APBA1: variants seen among roughly 807,000 people sequenced by gnomAD.
APBA1 encodes amyloid-beta A4 precursor protein-binding family A member 1.
APBA1 carries 55 observed loss-of-function variants against 86.6 expected under a neutral mutation model. That is an observed-to-expected ratio of 0.64 (90% CI 0.51 to 0.80). The LOEUF (loss-of-function observed/expected upper bound fraction) is 0.80, where lower values mean the gene tolerates loss of function less well. Among genes scored for constraint, APBA1 ranks in the 30% least tolerant of loss-of-function variants. The pLI, the probability that APBA1 is intolerant of heterozygous loss-of-function variation, is 0.00. For missense variants in APBA1, 1,090 were observed against 1,183.0 expected, an observed-to-expected ratio of 0.92 and a Z score of 1.15; for synonymous variants, 511 against 493.9, an observed-to-expected ratio of 1.03 and a Z score of -0.46.
chr9:69,504,865 G>C (rs941739445), intron 2 of APBA1, among the ~76,000 whole-genome samples: 9 of 151,932 alleles, frequency 5.9e-5, no homozygotes, highest in Non-Finnish European at 1.2e-4. Flanking sequence ...AGGAGGAGTC[G>C]CCTAGCTTCA....
intron 1 of APBA1, among the ~76,000 whole-genome samples, chr9:69,636,983 G>C (rs1248402523): frequency 7.2e-6 from 1 of 138,926 alleles, no homozygotes; most frequent in East Asian, 2.2e-4. Flanking sequence ...AAGAAAGAAA[G>C]AAAAATGTGA....
Position 69,669,912 on chromosome 9 carries a change from T to C in APBA1, c.-70+2241A>G, listed in dbSNP as rs568680676. ...GGTAATTCCTCATATTATTAAACTTTCTTGTGAGACATTTACATCCCTGGT... is the reference window on the plus strand; with the variant it reads ...GGTAATTCCTCATATTATTAAACTTCCTTGTGAGACATTTACATCCCTGGT... On this transcript the variant is annotated intron_variant, in intron 1 of 12. Coordinates refer to ENST00000265381, the MANE Select transcript of APBA1 (RefSeq NM_001163.4). Among the ~76,000 whole-genome samples the C allele has an allele frequency of 9.8e-4, 149 of 152,362 alleles. 1 individual carries two copies. Among genetic ancestry groups the C allele is most frequent in the African/African-American group, 3.3e-3 (137 of 41,586 alleles).
At chr9:69,477,251 T>C (rs989797991) in intron 2 of APBA1, among the ~76,000 whole-genome samples, 9 of 151,424 alleles carry the variant, frequency 5.9e-5, no homozygotes, top group Non-Finnish European at 1.2e-4. Flanking sequence ...TGGGCGCAGG[T>C]CAGTGGGTGC....
chr9:69,607,557 C>G (rs1277723251), intron 1 of APBA1, among the ~76,000 whole-genome samples: 1 of 152,206 alleles, frequency 6.6e-6, no homozygotes, highest in African/African-American at 2.4e-5. Context: ...CAAGCTTCCT[C>G]TAACTTTCAA....
rs1834519257 is a variant in APBA1, at chr9:69,428,092, AG to A, written c.*3234del. 6.6e-6 allele frequency: 1 copy of A among 152,196 alleles called. No individual in the cohort carries two copies. Among genetic ancestry groups the A allele is most frequent in the African/African-American group, 2.4e-5 (1 of 41,432 alleles). The allele number at this position is 152,196 out of a possible 1,614,324, so 9.4% of individuals were successfully genotyped here. On this transcript the variant is annotated 3_prime_UTR_variant, in exon 13 of 13. Coordinates refer to ENST00000265381, the MANE Select transcript of APBA1 (RefSeq NM_001163.4). ...TGAATGCGAGTAAACACATCTAAGG[AG>A]GGGCGGCCCCTGGTTGTAAACATTG...
At chr9:69,662,962 G>T (rs1039963060) in intron 1 of APBA1, among the ~76,000 whole-genome samples, 1 of 152,138 alleles carries the variant, frequency 6.6e-6, no homozygotes, top group African/African-American at 2.4e-5. Flanking sequence ...TGTGATTACT[G>T]CATCATTTGT....
chr9:69,443,290 G>A (rs1834855474), intron 10 of APBA1, among the ~76,000 whole-genome samples: 1 of 152,230 alleles, frequency 6.6e-6, no homozygotes, highest in African/African-American at 2.4e-5. Context: ...GCGAACAACT[G>A]TTGTGGACTA....
At chr9:69,451,665 G>C (rs929630941) in intron 9 of APBA1, among the ~76,000 whole-genome samples, 1 of 152,108 alleles carries the variant, frequency 6.6e-6, no homozygotes, top group African/African-American at 2.4e-5. Context: ...AGGCATTCCT[G>C]AATAGCTCAG....
intron 1 of APBA1, among the ~76,000 whole-genome samples, chr9:69,594,492 A>G (rs972225878): frequency 9.8e-5 from 15 of 152,310 alleles, no homozygotes; most frequent in African/African-American, 3.6e-4. Flanking sequence ...AGAAAGGTAA[A>G]CTAAGGAATG....
intron 1 of APBA1, among the ~76,000 whole-genome samples, chr9:69,556,700 C>T (rs1016061572): frequency 6.6e-6 from 1 of 152,100 alleles, no homozygotes; most frequent in South Asian, 2.1e-4. Context: ...TTTGTGTCAA[C>T]CAAAAGCACC....
At chr9:69,649,204 C>T (rs540243764) in intron 1 of APBA1, among the ~76,000 whole-genome samples, 5 of 152,280 alleles carry the variant, frequency 3.3e-5, no homozygotes, top group African/African-American at 4.8e-5. Flanking sequence ...GTAAAATGCA[C>T]GTAAGAGTGT....
At chr9:69,642,704 T>C (rs1588408729) in intron 1 of APBA1, among the ~76,000 whole-genome samples, 1 of 152,072 alleles carries the variant, frequency 6.6e-6, no homozygotes, top group Admixed American at 6.5e-5. Context: ...AAGGTTTTTT[T>C]TTGAGGAGAT....
chr9:69,560,073 C>A (rs1210511628), intron 1 of APBA1, among the ~76,000 whole-genome samples: 1 of 152,156 alleles, frequency 6.6e-6, no homozygotes, highest in Non-Finnish European at 1.5e-5. Flanking sequence ...AGTTTTAGCT[C>A]CCTGCTTGCC....
At chr9:69,627,255 A>G (rs1041104528) in intron 1 of APBA1, among the ~76,000 whole-genome samples, 2 of 152,086 alleles carry the variant, frequency 1.3e-5, no homozygotes, top group Non-Finnish European at 2.9e-5. Context: ...TGTTGTTGTC[A>G]TCTTATTTGA....
intron 1 of APBA1, among the ~76,000 whole-genome samples, chr9:69,564,649 C>T (rs1042721227): frequency 2.0e-5 from 3 of 152,172 alleles, no homozygotes; most frequent in Non-Finnish European, 4.4e-5. Context: ...ATTAGGATGG[C>T]TATTATCTAA....
rs780257759 is a variant in APBA1, at chr9:69,449,810, A to G, written c.1969-14T>C. On this transcript the variant is annotated splice_polypyrimidine_tract_variant and intron_variant, in intron 9 of 12. Transcript: ENST00000265381. ...CTCTATGAAAACCTGGAAGGAGAAAAACATTTAGAAAACCTCCATCAGTGA... is the reference window on the plus strand; with the variant it reads ...CTCTATGAAAACCTGGAAGGAGAAAGACATTTAGAAAACCTCCATCAGTGA... The G allele has an allele frequency of 2.9e-5, 46 of 1,603,322 alleles. No individual in the cohort carries two copies. In the South Asian group the frequency reaches 5.1e-4, roughly 18 times the overall value.
At chr9:69,604,292 G>C (rs1822416990) in intron 1 of APBA1, among the ~76,000 whole-genome samples, 1 of 148,784 alleles carries the variant, frequency 6.7e-6, no homozygotes, top group Non-Finnish European at 1.5e-5. Flanking sequence ...GCACACACAT[G>C]AGGGTAAGTG....
At chr9:69,658,274 T>TCTCTCTCTC (rs1564104861) in intron 1 of APBA1, among the ~76,000 whole-genome samples, 1 of 68,266 alleles carries the variant, frequency 1.5e-5, no homozygotes, top group Non-Finnish European at 3.1e-5. Context: ...CTTTCTTTCT[T>TCTCTCTCTC]TCTTTCTTTC....
At chr9:69,432,103 T>C (rs1359105203) in intron 12 of APBA1, among the ~76,000 whole-genome samples, 2 of 152,228 alleles carry the variant, frequency 1.3e-5, no homozygotes. Flanking sequence ...CTGTGATGAC[T>C]GACAGTAATG....
Sources: allele counts gnomAD v4.1 joint callset (sites outside exome capture counted in the v4.1 genomes callset), GRCh38; gene constraint gnomAD v4.1.1; transcripts MANE v1.5; gene names NCBI Gene and HGNC (gene_info 2026-07-23, HGNC 2026-07-21).